Variants in MTHFD1L observed in about 807,000 individuals in gnomAD.
The protein encoded by MTHFD1L is monofunctional C1-tetrahydrofolate synthase, mitochondrial.
In MTHFD1L, 81 loss-of-function variants were observed where a neutral mutation model predicts 119.5. The observed-to-expected ratio is 0.68, with a 90% confidence interval of 0.57 to 0.82. The LOEUF (loss-of-function observed/expected upper bound fraction) is 0.82, where lower values mean the gene tolerates loss of function less well. Ranked by LOEUF, MTHFD1L falls within the 40% of genes least tolerant of loss-of-function variation. The pLI is 0.00. For synonymous variants in MTHFD1L, 430 were observed against 475.2 expected (o/e 0.90, Z 1.24); for missense variants, 1,125 against 1,253.4 (o/e 0.90, Z 1.55).
At chr6:151,041,777 G>T (rs1324606983) in intron 26 of MTHFD1L, 1 of 531,992 alleles carries the variant, frequency 1.9e-6, no homozygotes, top group Non-Finnish European at 3.9e-6. Flanking sequence ...GTCCTCAAGG[G>T]AGGCAGAGAA....
At chr6:151,086,896 T>C (rs1793857299) in intron 26 of MTHFD1L, among the ~76,000 whole-genome samples, 1 of 152,316 alleles carries the variant, frequency 6.6e-6, no homozygotes, top group Non-Finnish European at 1.5e-5. Context: ...TACTCCTGCT[T>C]AATAAATAAA....
intron 7 of MTHFD1L, among the ~76,000 whole-genome samples, chr6:150,889,176 C>CAA (rs57228842): frequency 4.1e-5 from 6 of 146,370 alleles, no homozygotes; most frequent in Non-Finnish European, 3.0e-5. Flanking sequence ...GACTCCGTCT[C>CAA]AAAAAAAAAA....
At chr6:150,877,516 C>T in intron 2 of MTHFD1L, 118 bp from the exon 3 acceptor site, 3 of 1,135,552 alleles carry the variant, frequency 2.6e-6, no homozygotes, top group East Asian at 2.6e-5. Context: ...TGTTTTTCTG[C>T]ACCTTCCATA....
At chr6:151,007,278 C>T (rs1225725286) in intron 20 of MTHFD1L, among the ~76,000 whole-genome samples, 1 of 151,978 alleles carries the variant, frequency 6.6e-6, no homozygotes, top group African/African-American at 2.4e-5. Context: ...CCAGCTCTCT[C>T]TAGTTGAATA....
At chr6:150,923,756 TACCCACTAGGAGGGTGTG>T (rs1264642105) in intron 10 of MTHFD1L, among the ~76,000 whole-genome samples, 2 of 151,788 alleles carry the variant, frequency 1.3e-5, no homozygotes, top group African/African-American at 4.8e-5. Context: ...GGTTCAGTTC[TACCCACTAGGAGGGTGTG>T]ACCCTCCTGG....
intron 20 of MTHFD1L, among the ~76,000 whole-genome samples, chr6:150,974,539 T>A (rs1776265907): frequency 6.6e-6 from 1 of 152,112 alleles, no homozygotes; most frequent in Non-Finnish European, 1.5e-5. Flanking sequence ...CCCATGCCCA[T>A]TAAATATTCC....
In MTHFD1L at chr6:150,918,650, T is replaced by C. The variant is rs533919833; in HGVS notation, c.966T>C (p.Ala322=). Residue 322 remains alanine (A), a synonymous_variant, in exon 9 of 28, where the codon GCT becomes GCC. Transcript: ENST00000367321. ...LIEEDDVILL[A]AALRIQNMVS... is the part of the protein sequence containing the mutation. ...AGGAAGATGATGTGATTCTCCTTGC[T>C]GCAGCTCTGCGAATTCAGGTTTGTT... The C allele has an allele frequency of 6.2e-7, 1 of 1,614,128 alleles. No homozygotes were observed. Among genetic ancestry groups the C allele is most frequent in the South Asian group, 1.1e-5 (1 of 91,080 alleles).
intron 24 of MTHFD1L, among the ~76,000 whole-genome samples, chr6:151,019,250 G>A (rs1404408282): frequency 3.2e-5 from 3 of 94,950 alleles, no homozygotes; most frequent in Non-Finnish European, 5.3e-5. Flanking sequence ...CCATCTTGCC[G>A]TCTGATCATG....
At chr6:150,909,386 C>T (rs1414555898) in intron 8 of MTHFD1L, among the ~76,000 whole-genome samples, 1 of 151,994 alleles carries the variant, frequency 6.6e-6, no homozygotes, top group Non-Finnish European at 1.5e-5. Flanking sequence ...CAGCAATCCT[C>T]CCTCCTCAGC....
At chr6:151,087,955 G>A (rs1311482740) in intron 26 of MTHFD1L, 1 of 152,158 alleles carries the variant, frequency 6.6e-6, no homozygotes, top group African/African-American at 2.4e-5. Context: ...TTTTAAGCAA[G>A]AGGCCTCCTT....
In MTHFD1L at chr6:151,031,898, C is replaced by T. The variant is rs1785386467; in HGVS notation, c.2587-2595C>T. On this transcript the variant is annotated intron_variant, in intron 24 of 27. Coordinates refer to ENST00000367321, the MANE Select transcript of MTHFD1L (RefSeq NM_015440.5). ...GGTAGGAATATAATTTTATTTCTCT[C>T]CAGCCAAAAGTCAGATGGTAGTCAG... Among the ~76,000 whole-genome samples the T allele has an allele frequency of 1.3e-5, 2 of 152,124 alleles. 1 individual carries two copies. Among genetic ancestry groups the T allele is most frequent in the South Asian group, 4.1e-4 (2 of 4,832 alleles).
rs1288347637 is a variant in MTHFD1L at position 151,085,136 on chromosome 6, G to C, written c.2848-7331G>C. On this transcript the variant is annotated intron_variant, in intron 26 of 27. Transcript: ENST00000367321. ...TAATTACATAAAAATTATTTGCAGAGGTTACCTCTGGAAGCAGTATTAGAA... is the reference window on the plus strand; with the variant it reads ...TAATTACATAAAAATTATTTGCAGACGTTACCTCTGGAAGCAGTATTAGAA... 2.6e-5 allele frequency among the ~76,000 whole-genome samples: 4 copies of C among 151,308 alleles called. No homozygotes were observed. The East Asian group carries it at 7.8e-4, about 29-fold the overall frequency.
rs574802172 is a variant in MTHFD1L, at chr6:151,092,852, T to A, written c.*31+265T>A. ...AGCCAAGTTATGTCATCCCTGAATATAGATGTGTTTAGAGCATCTCTGACC... is the reference window on the plus strand; with the variant it reads ...AGCCAAGTTATGTCATCCCTGAATAAAGATGTGTTTAGAGCATCTCTGACC... On this transcript the variant is annotated intron_variant, in intron 27 of 27. Coordinates refer to ENST00000367321, the MANE Select transcript of MTHFD1L (RefSeq NM_015440.5). Among the ~76,000 whole-genome samples the A allele has an allele frequency of 5.3e-5, 8 of 152,300 alleles. No homozygotes were observed. The East Asian group carries it at 1.5e-3, about 29-fold the overall frequency.
chr6:150,881,849 C>T (rs1040519611), intron 4 of MTHFD1L, among the ~76,000 whole-genome samples: 21 of 152,096 alleles, frequency 1.4e-4, no homozygotes, highest in Admixed American at 3.9e-4. Context: ...ATGAATGAAA[C>T]AAAGCTTTCT....
chr6:150,943,262 G>A (rs533716587), intron 13 of MTHFD1L, among the ~76,000 whole-genome samples: 8 of 151,088 alleles, frequency 5.3e-5, no homozygotes, highest in African/African-American at 1.5e-4. Flanking sequence ...GTGAAAGAGC[G>A]AAACTCCGTC....
At chr6:151,064,988 GA>G (rs2128607232) in intron 26 of MTHFD1L, among the ~76,000 whole-genome samples, 1 of 152,022 alleles carries the variant, frequency 6.6e-6, no homozygotes, top group Non-Finnish European at 1.5e-5. Context: ...ATTTTTAGTA[GA>G]GATGAGGTTT....
intron 26 of MTHFD1L, among the ~76,000 whole-genome samples, chr6:151,060,753 A>G (rs1476234146): frequency 6.6e-6 from 1 of 152,236 alleles, no homozygotes; most frequent in Non-Finnish European, 1.5e-5. Flanking sequence ...GACACTGGGC[A>G]GGAAAGCAAG....
intron 26 of MTHFD1L, among the ~76,000 whole-genome samples, chr6:151,065,499 A>G (rs1791132969): frequency 6.6e-6 from 1 of 152,254 alleles, no homozygotes; most frequent in Non-Finnish European, 1.5e-5. Context: ...GTGCTAGGCT[A>G]GATCTGGCCT....
intron 26 of MTHFD1L, among the ~76,000 whole-genome samples, chr6:151,049,390 G>A (rs1214675730): frequency 1.3e-5 from 2 of 152,104 alleles, no homozygotes; most frequent in Non-Finnish European, 2.9e-5. Context: ...TACTCAGGAG[G>A]CTGAGGCAGG....
Sources: allele counts gnomAD v4.1 joint callset (sites outside exome capture counted in the v4.1 genomes callset), GRCh38; gene constraint gnomAD v4.1.1; transcripts MANE v1.5; gene names NCBI Gene and HGNC (gene_info 2026-07-23, HGNC 2026-07-21).